Variants in REC114 observed in about 807,000 individuals in gnomAD.
REC114 encodes the protein meiotic recombination protein REC114.
In REC114, 27 loss-of-function variants were observed where a neutral mutation model predicts 31.3. The ratio of observed to expected loss-of-function variants is 0.86; its 90% CI spans 0.64 to 1.19. The LOEUF (loss-of-function observed/expected upper bound fraction) is 1.19, where lower values mean the gene tolerates loss of function less well. Among genes scored for constraint, REC114 ranks in the 50% most tolerant of loss-of-function variants. The probability of loss-of-function intolerance (pLI) is 0.00; values close to 1 mark genes in which losing one functional copy is unlikely to be tolerated. For missense variants in REC114, 344 were observed against 326.9 expected (o/e 1.05, Z -0.40); for synonymous variants, 134 against 127.7 (o/e 1.05, Z -0.33).
chr15:73,484,133 C>G (rs758470906), intron 2 of REC114, among the ~76,000 whole-genome samples: 23 of 152,096 alleles, frequency 1.5e-4, no homozygotes, highest in Non-Finnish European at 2.8e-4. Flanking sequence ...GCATACACAT[C>G]CTCCACCTAG....
At chr15:73,465,670 C>T (rs1893046969) in intron 1 of REC114, among the ~76,000 whole-genome samples, 1 of 151,990 alleles carries the variant, frequency 6.6e-6, no homozygotes, top group Admixed American at 6.5e-5. Flanking sequence ...TCTTCTTCCC[C>T]TGAATGATAA....
intron 2 of REC114, among the ~76,000 whole-genome samples, chr15:73,536,107 T>C (rs945415569): frequency 6.6e-6 from 1 of 152,002 alleles, no homozygotes; most frequent in Non-Finnish European, 1.5e-5. Context: ...ATTCAGGACA[T>C]AGGCATGGGC....
At chr15:73,524,560 G>A (rs1304351505) in intron 2 of REC114, among the ~76,000 whole-genome samples, 1 of 152,120 alleles carries the variant, frequency 6.6e-6, no homozygotes, top group African/African-American at 2.4e-5. Flanking sequence ...AAACTCTTGT[G>A]CCCAGATGAA....
At chr15:73,515,942 A>G (rs959638243) in intron 2 of REC114, among the ~76,000 whole-genome samples, 39 of 151,770 alleles carry the variant, frequency 2.6e-4, no homozygotes, top group African/African-American at 8.5e-4. Flanking sequence ...CGCATAATCC[A>G]TTTTACTAAC....
At chr15:73,539,715 A>C (rs184339333) in intron 2 of REC114, among the ~76,000 whole-genome samples, 101 of 152,026 alleles carry the variant, frequency 6.6e-4, no homozygotes, top group Non-Finnish European at 1.2e-3. Flanking sequence ...GTTTCCATGC[A>C]ATTTTTGCAT....
At chr15:73,465,259 A>T (rs1893041756) in intron 1 of REC114, among the ~76,000 whole-genome samples, 1 of 152,186 alleles carries the variant, frequency 6.6e-6, no homozygotes, top group African/African-American at 2.4e-5. Context: ...GAAAGAGAAG[A>T]CTTCAGGGAT....
intron 3 of REC114, among the ~76,000 whole-genome samples, chr15:73,547,933 A>G (rs943968645): frequency 2.0e-5 from 3 of 152,228 alleles, no homozygotes; most frequent in Admixed American, 6.5e-5. Flanking sequence ...TAATTAAACC[A>G]AAGAGCCATG....
chr15:73,450,116 C>G (rs146696564), intron 1 of REC114, among the ~76,000 whole-genome samples: 3,830 of 152,258 alleles, frequency 0.025, 96 homozygotes, highest in African/African-American at 0.06. Flanking sequence ...ATCATAACGA[C>G]AGGATCAAAT....
At chr15:73,469,779 G>A (rs950973007) in intron 1 of REC114, among the ~76,000 whole-genome samples, 4 of 150,696 alleles carry the variant, frequency 2.7e-5, no homozygotes, top group Admixed American at 6.6e-5. Flanking sequence ...CCACCTCCTG[G>A]GTTCACGCCA....
chr15:73,519,887 G>A (rs137899571), intron 2 of REC114, among the ~76,000 whole-genome samples: 55 of 152,286 alleles, frequency 3.6e-4, no homozygotes, highest in African/African-American at 1.2e-3. Context: ...GACAAATACT[G>A]TATGATTCCT....
At chr15:73,497,159 C>T (rs1893540211) in intron 2 of REC114, among the ~76,000 whole-genome samples, 1 of 152,132 alleles carries the variant, frequency 6.6e-6, no homozygotes, top group Non-Finnish European at 1.5e-5. Flanking sequence ...AACTATGTTG[C>T]CAGAAGATAT....
chr15:73,522,027 A>G (rs757285407), intron 2 of REC114, among the ~76,000 whole-genome samples: 3 of 152,190 alleles, frequency 2.0e-5, no homozygotes, highest in Non-Finnish European at 4.4e-5. Flanking sequence ...TTAAAAATCA[A>G]TGTGTTTCAC....
In REC114 at chr15:73,559,933, ATAAC is replaced by A; in HGVS notation, c.*21_*24del. The stretch of plus-strand genomic sequence containing the variant: ...AGAAATTAATGCTCTATATACATAT[ATAAC>A]TAAGGAACTTCAAAGTATTGAAAAA... On this transcript the variant is annotated 3_prime_UTR_variant, in exon 6 of 6. Coordinates refer to ENST00000331090, the MANE Select transcript of REC114 (RefSeq NM_001042367.2). The A allele has an allele frequency of 1.3e-6, 2 of 1,561,590 alleles. No homozygotes were observed. The highest frequency in any genetic ancestry group is 1.7e-6 in the Non-Finnish European group (2 of 1,163,396).
intron 1 of REC114, among the ~76,000 whole-genome samples, chr15:73,454,361 T>G (rs1892889826): frequency 6.6e-6 from 1 of 152,026 alleles, no homozygotes; most frequent in Non-Finnish European, 1.5e-5. Flanking sequence ...CAAGAGAAAT[T>G]TAAGTGGAGT....
chr15:73,549,297 G>A (rs1894356190), intron 3 of REC114, among the ~76,000 whole-genome samples: 1 of 152,204 alleles, frequency 6.6e-6, no homozygotes, highest in African/African-American at 2.4e-5. Context: ...TCACTTATTT[G>A]TGGGATCTAA....
intron 2 of REC114, among the ~76,000 whole-genome samples, chr15:73,480,597 C>A (rs1042523423): frequency 1.3e-5 from 2 of 151,472 alleles, no homozygotes; most frequent in Non-Finnish European, 2.9e-5. Flanking sequence ...TGGATTATAA[C>A]GCATTTATAA....
intron 2 of REC114, among the ~76,000 whole-genome samples, chr15:73,498,281 C>T (rs1276511648): frequency 1.3e-5 from 2 of 151,960 alleles, no homozygotes; most frequent in Non-Finnish European, 2.9e-5. Context: ...ACATCCACTG[C>T]CCGAGATCAT....
intron 1 of REC114, among the ~76,000 whole-genome samples, chr15:73,454,274 G>T (rs988968959): frequency 6.6e-6 from 1 of 152,122 alleles, no homozygotes; most frequent in Admixed American, 6.6e-5. Flanking sequence ...GTTGAATGAT[G>T]CTGCAAAATG....
intron 2 of REC114, among the ~76,000 whole-genome samples, chr15:73,527,137 C>T (rs1894019556): frequency 6.6e-6 from 1 of 152,066 alleles, no homozygotes; most frequent in Non-Finnish European, 1.5e-5. Context: ...TACTGAATGT[C>T]CTGTGTATTC....
Sources: gnomAD v4.1 joint callset for allele counts (sites outside exome capture counted in the v4.1 genomes callset) on GRCh38, gnomAD v4.1.1 for gene constraint, MANE v1.5 for transcripts, NCBI Gene and HGNC (gene_info 2026-07-23, HGNC 2026-07-21) for gene names.